DCUN1D4: variants seen among roughly 807,000 people sequenced by gnomAD.
The protein encoded by DCUN1D4 is defective in cullin neddylation 1 domain containing 4, also known as DCN1-like protein 4.
Under a neutral mutation model 47.9 loss-of-function variants are expected in DCUN1D4, and 22 were observed. The observed-to-expected ratio is 0.46, with a 90% CI of 0.33 to 0.66. DCUN1D4 has a LOEUF of 0.66. Ranked by LOEUF, DCUN1D4 falls within the 30% of genes least tolerant of loss-of-function variation. DCUN1D4 has a pLI of 0.02. For missense variants in DCUN1D4, 301 were observed against 340.8 expected, an observed-to-expected ratio of 0.88 and a Z score of 0.92; for synonymous variants, 121 against 112.2, an observed-to-expected ratio of 1.08 and a Z score of -0.50.
intron 6 of DCUN1D4, among the ~76,000 whole-genome samples, chr4:51,887,541 A>C (rs1417445892): frequency 6.6e-6 from 1 of 152,220 alleles, no homozygotes; most frequent in Non-Finnish European, 1.5e-5. Flanking sequence ...TCTTACACTA[A>C]AATGAAAAAC....
At chr4:51,843,691 G>A in intron 1 of DCUN1D4, 2 of 1,241,692 alleles carry the variant, frequency 1.6e-6, no homozygotes, top group Non-Finnish European at 2.0e-6. Context: ...GGGCACAAGG[G>A]TGAGGATTTC....
intron 5 of DCUN1D4, 70 bp from the exon 6 acceptor site, chr4:51,886,498 A>T: frequency 7.5e-7 from 1 of 1,340,818 alleles, no homozygotes; most frequent in South Asian, 1.3e-5. Context: ...TTGACAGTAT[A>T]ATACTACTAC....
chr4:51,843,421 G>C, intron 1 of DCUN1D4, 154 bp downstream of exon 1: 3 of 1,274,808 alleles, frequency 2.4e-6, no homozygotes, highest in Non-Finnish European at 3.0e-6. Flanking sequence ...GCCGGGGCGG[G>C]CGGTGACGCT....
At chr4:51,846,511 C>T (rs561947595) in intron 1 of DCUN1D4, among the ~76,000 whole-genome samples, 6 of 152,308 alleles carry the variant, frequency 3.9e-5, no homozygotes, top group South Asian at 2.1e-4. Flanking sequence ...CTCCCAGCAG[C>T]TCTTCTTGGC....
chr4:51,908,954 C>T (rs1466346637), intron 8 of DCUN1D4: 1 of 456,286 alleles, frequency 2.2e-6, no homozygotes, highest in East Asian at 7.0e-5. Flanking sequence ...GAGCTGCTGG[C>T]TGGCACCCTT....
intron 1 of DCUN1D4, chr4:51,845,313 CTG>C (rs2109786479): frequency 2.0e-6 from 2 of 980,200 alleles, no homozygotes; most frequent in Non-Finnish European, 2.4e-6. Context: ...GAAAAAATAA[CTG>C]TCTTGAAATG....
chr4:51,844,472 G>C, intron 1 of DCUN1D4: 1 of 943,858 alleles, frequency 1.1e-6, no homozygotes, highest in South Asian at 4.9e-5. Flanking sequence ...GGTTTCAGCA[G>C]CGGGAGCCGG....
the DCUN1D4 span, among the ~76,000 whole-genome samples, chr4:51,834,899 C>A: frequency 1.3e-5 from 2 of 152,200 alleles, no homozygotes; most frequent in African/African-American, 4.8e-5. Flanking sequence ...CTTACATATG[C>A]CAACTTGTGG....
At chr4:51,888,937 C>G (rs1365691629) in intron 6 of DCUN1D4, among the ~76,000 whole-genome samples, 1 of 151,884 alleles carries the variant, frequency 6.6e-6, no homozygotes, top group Non-Finnish European at 1.5e-5. Context: ...TGGTGAAACC[C>G]CATCTTTAAT....
chr4:51,891,312 C>T (rs1730393857), intron 6 of DCUN1D4, among the ~76,000 whole-genome samples: 2 of 152,168 alleles, frequency 1.3e-5, no homozygotes, highest in African/African-American at 4.8e-5. Flanking sequence ...AGTATTTAAC[C>T]AGTCCCTTAT....
chr4:51,895,210 AAAAAGGTTACTGTATGATG>A (rs1731053718), intron 7 of DCUN1D4, among the ~76,000 whole-genome samples: 1 of 152,146 alleles, frequency 6.6e-6, no homozygotes, highest in African/African-American at 2.4e-5. Flanking sequence ...TTAAAAAAAA[AAAAAGGTTACTGTATGATG>A]GGAGTGTGAT....
Position 51,848,375 on chromosome 4 carries a change from G to A in DCUN1D4, c.25+5108G>A. ...TTAAGGCAGCATTAACAGGTCTGAT[G>A]TTAAGGGGCCTAGAGTGTTTGTCCT... On this transcript the variant is annotated intron_variant, in intron 1 of 10. Coordinates refer to ENST00000334635, the MANE Select transcript of DCUN1D4 (RefSeq NM_001040402.3). 8 of 1,236,364 alleles carry A rather than the reference G, an allele frequency of 6.5e-6. No homozygotes were observed. In the South Asian group the frequency reaches 7.1e-5, roughly 11 times the overall value. 76.6% of individuals were successfully genotyped at this position (1,236,364 alleles called of 1,614,324 possible). A position where few individuals can be genotyped will look rare whatever the true frequency, so the allele number is the denominator to read the frequency against.
In DCUN1D4 at chr4:51,913,517, C is replaced by T. The variant is rs771598702; in HGVS notation, c.824-12C>T. On this transcript the variant is annotated splice_polypyrimidine_tract_variant and intron_variant, in intron 10 of 10. Transcript: ENST00000334635. ...TTATTATTATTACTACTGTTTCTCTCTTTCTCTCCAGGGCCAGTTTTGTTG... is the reference window on the plus strand; with the variant it reads ...TTATTATTATTACTACTGTTTCTCTTTTTCTCTCCAGGGCCAGTTTTGTTG... 6.2e-7 allele frequency: 1 copy of T among 1,610,790 alleles called. No individual in the cohort carries two copies. The highest frequency in any genetic ancestry group is 1.7e-5 in the Admixed American group (1 of 59,864).
At chr4:51,881,880 T>A (rs1728694889) in intron 5 of DCUN1D4, among the ~76,000 whole-genome samples, 1 of 151,788 alleles carries the variant, frequency 6.6e-6, no homozygotes. Flanking sequence ...AGAAGAAAAG[T>A]GTTAGGGCTG....
chr4:51,904,078 T>C (rs1732514765), intron 8 of DCUN1D4, among the ~76,000 whole-genome samples: 1 of 152,062 alleles, frequency 6.6e-6, no homozygotes, highest in African/African-American at 2.4e-5. Context: ...GAATTTTAGG[T>C]ATTTGGTTGC....
chr4:51,848,165 A>G, intron 1 of DCUN1D4: 1 of 1,272,850 alleles, frequency 7.9e-7, no homozygotes, highest in Non-Finnish European at 1.0e-6. Context: ...AGACAAAGTC[A>G]GTTGTATGCA....
chr4:51,913,179 G>T, intron 9 of DCUN1D4, 111 bp from the exon 10 acceptor site: 1 of 634,304 alleles, frequency 1.6e-6, no homozygotes, highest in Non-Finnish European at 2.6e-6. Context: ...ACCTCAAACA[G>T]AAAGAGTTAA....
At chr4:51,879,459 T>C (rs1039025078) in intron 5 of DCUN1D4, among the ~76,000 whole-genome samples, 2 of 152,090 alleles carry the variant, frequency 1.3e-5, no homozygotes, top group Non-Finnish European at 2.9e-5. Context: ...TACAAAAAAC[T>C]AGCCAGTTGT....
At chr4:51,882,840 AAG>A (rs753200513) in intron 5 of DCUN1D4, among the ~76,000 whole-genome samples, 15 of 152,222 alleles carry the variant, frequency 9.9e-5, no homozygotes, top group Admixed American at 2.0e-4. Context: ...ATAGAAACCA[AAG>A]AGAGAGGAAT....
Sources: allele counts gnomAD v4.1 joint callset (sites outside exome capture counted in the v4.1 genomes callset), GRCh38; gene constraint gnomAD v4.1.1; transcripts MANE v1.5; gene names NCBI Gene and HGNC (gene_info 2026-07-23, HGNC 2026-07-21).